GLI1: variants seen among roughly 807,000 people sequenced by gnomAD.
GLI1 encodes transcription activator GLI1.
A neutral mutation model predicts 87.8 loss-of-function variants in GLI1; 51 were observed. That is an observed-to-expected ratio of 0.58 (90% CI 0.46 to 0.73). The LOEUF (loss-of-function observed/expected upper bound fraction) is 0.73, where lower values mean the gene tolerates loss of function less well. GLI1 is among the 30% of genes least tolerant of loss of function. GLI1 has a pLI of 0.00. For synonymous variants in GLI1, 528 were observed against 558.2 expected (o/e 0.95, Z 0.76); for missense variants, 1,292 against 1,437.2 (o/e 0.90, Z 1.63).
At chr12:57,465,054 C>G in intron 4 of GLI1, 57 bp from the exon 5 acceptor site, 1 of 1,567,302 alleles carries the variant, frequency 6.4e-7, no homozygotes, top group Non-Finnish European at 8.8e-7. Flanking sequence ...TCCAAATAGC[C>G]CAATCCTTCC....
rs764510209 is a variant in GLI1, at chr12:57,470,396, C to T, written c.1656C>T (p.Ala552=). Residue 552 remains alanine (A), a synonymous_variant, in exon 12 of 12, where the codon GCC becomes GCT. Transcript: ENST00000228682. ...GCAGCTCCAGCAGCATCAGCTCTGC[C>T]TATACTGTCAGCCGCCGCTCCTCCC... ...RSSSSSSISS[A]YTVSRRSSLA... The T allele has an allele frequency of 5.0e-6, 8 of 1,613,686 alleles. No individual in the cohort carries two copies. The South Asian group carries it at 8.8e-5, about 18-fold the overall frequency.
rs144052713 is a variant in GLI1 at position 57,467,352 on chromosome 12, C to T, written c.932C>T (p.Ser311Leu). 209 of 1,610,170 alleles carry T rather than the reference C, an allele frequency of 1.3e-4. No individual in the cohort carries two copies. The highest frequency in any genetic ancestry group is 1.6e-4 in the Non-Finnish European group (193 of 1,176,902). ...CCCCAGTTTGAAGGGTGCCGGAAGT[C>T]ATACTCACGCCTCGAAAACCTGAAG... ...HKCTFEGCRK[S>L]YSRLENLKTH... is the part of the protein sequence containing the mutation. The change falls in exon 9 of 12, where the codon TCA becomes TTA. Residue 311 changes from serine (S) to leucine (L), a missense_variant. Coordinates refer to ENST00000228682, the MANE Select transcript of GLI1 (RefSeq NM_005269.3).
At chr12:57,468,497 T>C (rs11172229) in intron 10 of GLI1, among the ~76,000 whole-genome samples, 1 of 151,934 alleles carries the variant, frequency 6.6e-6, no homozygotes, top group Non-Finnish European at 1.5e-5. Context: ...CTCTCTCTCT[T>C]TCTCTCTTTC....
chr12:57,461,067 C>T (rs1255623767), intron 1 of GLI1, among the ~76,000 whole-genome samples: 1 of 151,922 alleles, frequency 6.6e-6, no homozygotes, highest in Non-Finnish European at 1.5e-5. Flanking sequence ...CCCTGCCTGC[C>T]CTTGCTCCCC....
Position 57,470,567 on chromosome 12 carries a change from G to A in GLI1, c.1827G>A (p.Leu609=). The A allele has an allele frequency of 1.2e-6, 2 of 1,614,106 alleles. No homozygotes were observed. Among genetic ancestry groups the A allele is most frequent in the Non-Finnish European group, 1.7e-6 (2 of 1,180,036 alleles). The change falls in exon 12 of 12, where the codon CTG becomes CTA. Residue 609 remains leucine, a synonymous_variant. Transcript: ENST00000228682. ...CTTCGCCCACTGCAGCATCCAGCCT[G>A]GATCGGATAGGTGGTCTTCCCATGC... The part of the protein sequence containing the change: ...GGTSPTAASS[L]DRIGGLPMPP...
intron 1 of GLI1, among the ~76,000 whole-genome samples, chr12:57,461,400 G>A (rs1046235368): frequency 1.3e-5 from 2 of 152,090 alleles, no homozygotes; most frequent in Non-Finnish European, 2.9e-5. Context: ...GTCTGGAGGG[G>A]TTAACCCTTG....
In GLI1 at chr12:57,465,205, G is replaced by A. The variant is rs1397293500; in HGVS notation, c.484G>A (p.Gly162Ser). The A allele has an allele frequency of 3.1e-6, 5 of 1,613,952 alleles. No individual in the cohort carries two copies. The Admixed American group carries it at 8.3e-5, about 27-fold the overall frequency. ...TTGTGGTCCCCATGACTCTGCCCGG[G>A]GTGGGATGATCCCACATCCTCAGTC... is the stretch of plus-strand genomic sequence containing the variant. Reference protein sequence around the residue: ...QPCGPHDSARGGMIPHPQSRG... With the variant: ...QPCGPHDSARSGMIPHPQSRG... Residue 162 changes from glycine (G) to serine (S), a missense_variant, in exon 5 of 12, where the codon GGT becomes AGT. This residue lies in a region of GLI1 where 383 missense variants were observed against 368.4 expected (regional missense o/e 1.04). Coordinates refer to ENST00000228682, the MANE Select transcript of GLI1 (RefSeq NM_005269.3).
intron 5 of GLI1, 36 bp from the exon 6 acceptor site, chr12:57,465,571 C>G (rs531956126): frequency 5.8e-6 from 9 of 1,549,476 alleles, no homozygotes; most frequent in African/African-American, 5.4e-5. Flanking sequence ...CTGCTTACTT[C>G]CACCCTCATC....
At chr12:57,464,930 A>G in intron 4 of GLI1, 62 bp downstream of exon 4, 1 of 1,379,836 alleles carries the variant, frequency 7.2e-7, no homozygotes, top group Non-Finnish European at 1.0e-6. Context: ...TAAAAGTCTC[A>G]AGCCCTCAAA....
intron 1 of GLI1, among the ~76,000 whole-genome samples, chr12:57,463,406 G>A (rs1164653333): frequency 6.6e-6 from 1 of 151,992 alleles, no homozygotes; most frequent in South Asian, 2.1e-4. Context: ...TTGTAGAGAC[G>A]GGGGTTTCAC....
intron 7 of GLI1, 101 bp downstream of exon 7, chr12:57,466,026 T>C: frequency 2.5e-6 from 3 of 1,196,540 alleles, no homozygotes; most frequent in South Asian, 1.4e-5. Context: ...CAGAGGAGAC[T>C]GAGGTTGAAT....
chr12:57,469,302 C>T, intron 10 of GLI1, 129 bp from the exon 11 acceptor site: 1 of 861,292 alleles, frequency 1.2e-6, no homozygotes, highest in Non-Finnish European at 1.8e-6. Context: ...CTCTTACCTG[C>T]TTAGCCCTTT....
chr12:57,459,815 G>A lies in GLI1; in HGVS notation c.-414G>A, dbSNP rs1190619963. Among the ~76,000 whole-genome samples, 2 of 150,906 alleles carry A rather than the reference G, an allele frequency of 1.3e-5. No individual in the cohort carries two copies. The highest frequency in any genetic ancestry group is 4.9e-5 in the African/African-American group (2 of 40,966). On this transcript the variant is annotated 5_prime_UTR_variant, in exon 1 of 12. Transcript: ENST00000228682. The stretch of plus-strand genomic sequence containing the variant: ...CAGTATAGGGTCCCTCAAGGGAGGG[G>A]GAGGATCCTGGGGGTCCTGGGGGTG...
At position 57,469,518 on chromosome 12, in the gene GLI1, G is replaced by T. The variant is rs1871725423; in HGVS notation, c.1396G>T (p.Glu466Ter). The T allele has an allele frequency of 6.2e-7, 1 of 1,614,072 alleles. No homozygotes were observed. The highest frequency in any genetic ancestry group is 1.1e-5 in the South Asian group (1 of 91,094). ...TGCAGCCAATACAGACAGTGGTGTGGAAATGACTGGCAATGCAGGGGGCAG... is the reference window on the plus strand; with the variant it reads ...TGCAGCCAATACAGACAGTGGTGTGTAAATGACTGGCAATGCAGGGGGCAG... ...GSAANTDSGV[E>*]MTGNAGGSTE... The change falls in exon 11 of 12, where the codon GAA becomes TAA. Residue 466 changes from glutamate to a stop codon, truncating the protein, a stop_gained. Coordinates refer to ENST00000228682, the MANE Select transcript of GLI1 (RefSeq NM_005269.3). LOFTEE classifies it high-confidence loss of function.
At position 57,471,196 on chromosome 12, in the gene GLI1, G is replaced by A. The variant is rs112209004; in HGVS notation, c.2456G>A (p.Gly819Glu). ...YGQVQVKPEQ[G>E]CPVGSDSTGL... ...CAAGTGCAAGTCAAGCCAGAACAGG[G>A]GTGCCCAGTGGGGTCTGACTCCACA... The change falls in exon 12 of 12, where the codon GGG (glycine) becomes GAG (glutamate). Residue 819 changes from glycine (G) to glutamate (E), a missense_variant. Transcript: ENST00000228682. The surrounding 1 kb of genome is among the most constrained non-coding windows in gnomAD (Gnocchi z 4.9). 2 of 1,599,106 alleles carry A rather than the reference G, an allele frequency of 1.3e-6. No homozygotes were observed. Among genetic ancestry groups the A allele is most frequent in the Non-Finnish European group, 1.7e-6 (2 of 1,172,780 alleles).
Position 57,465,963 on chromosome 12 carries a change from C to T in GLI1, c.762+38C>T. On this transcript the variant is annotated intron_variant, in intron 7 of 11. Coordinates refer to ENST00000228682, the MANE Select transcript of GLI1 (RefSeq NM_005269.3). ...GGGTAACAGGAATGGCTAGCCAGAA[C>T]CTTTAGGAGATTCTGAGTGGGACAT... 2.5e-6 allele frequency: 4 copies of T among 1,589,294 alleles called. No individual in the cohort carries two copies. In the South Asian group the frequency reaches 4.4e-5, roughly 18 times the overall value.
At chr12:57,463,248 A>C (rs573624497) in intron 1 of GLI1, among the ~76,000 whole-genome samples, 6 of 152,156 alleles carry the variant, frequency 3.9e-5, no homozygotes, top group African/African-American at 1.2e-4. Context: ...GACGGAGTCT[A>C]GCTCTGTCAC....
chr12:57,469,087 G>C (rs1871695115), intron 10 of GLI1, among the ~76,000 whole-genome samples: 1 of 152,112 alleles, frequency 6.6e-6, no homozygotes, highest in African/African-American at 2.4e-5. Flanking sequence ...TATGTTCCAA[G>C]CCTTTTACAT....
At chr12:57,462,431 C>A (rs1002870661) in intron 1 of GLI1, among the ~76,000 whole-genome samples, 4 of 152,032 alleles carry the variant, frequency 2.6e-5, no homozygotes, top group East Asian at 1.9e-4. Flanking sequence ...CGGCCCGGCC[C>A]GCTCCCGGTG....
Sources: gnomAD v4.1 joint callset for allele counts (sites outside exome capture counted in the v4.1 genomes callset) on GRCh38, gnomAD v4.1.1 for gene constraint, gnomAD v4.1.1 regional missense constraint, Gnocchi (gnomAD v3.1) non-coding constraint, MANE v1.5 for transcripts, NCBI Gene and HGNC (gene_info 2026-07-23, HGNC 2026-07-21) for gene names.